SMG1: variants seen among roughly 807,000 people sequenced by gnomAD.
SMG1 encodes serine/threonine-protein kinase SMG1.
SMG1 carries 22 observed loss-of-function variants against 419.9 expected under a neutral mutation model. The observed-to-expected ratio is 0.05, with a 90% CI of 0.04 to 0.07. The LOEUF (loss-of-function observed/expected upper bound fraction) is 0.07, where lower values mean the gene tolerates loss of function less well. Among genes scored for constraint, SMG1 ranks in the 10% least tolerant of loss-of-function variants. The pLI is 1.00. For missense variants in SMG1, 3,185 were observed against 4,342.0 expected (o/e 0.73, Z 7.49); for synonymous variants, 1,538 against 1,553.5 (o/e 0.99, Z 0.23).
chr16:18,871,194 T>C (rs1026865127), intron 16 of SMG1, among the ~76,000 whole-genome samples, 170 bp downstream of exon 16: 15 of 152,128 alleles, frequency 9.9e-5, no homozygotes, highest in Non-Finnish European at 1.6e-4. Flanking sequence ...CAAAACATTT[T>C]TCTAATACTA....
chr16:18,809,496 G>C lies in SMG1; in HGVS notation c.*73C>G. On this transcript the variant is annotated 3_prime_UTR_variant, in exon 63 of 63. Coordinates refer to ENST00000446231, the MANE Select transcript of SMG1 (RefSeq NM_015092.5). ...TCACCACCGACTGTGGTGTGGCTTT[G>C]GATGCCTGAGGCTGAGTTGATTCTG... The C allele has an allele frequency of 3.4e-6, 4 of 1,172,384 alleles. No homozygotes were observed. The highest frequency in any genetic ancestry group is 2.4e-5 in the East Asian group (1 of 40,878). The allele number at this position is 1,172,384 out of a possible 1,614,324, so 72.6% of individuals were successfully genotyped here.
chr16:18,885,488 C>A (rs1187522904), intron 7 of SMG1, 53 bp downstream of exon 7: 2 of 1,591,470 alleles, frequency 1.3e-6, no homozygotes, highest in Non-Finnish European at 1.7e-6. Context: ...GATCCTCACA[C>A]ACACAACCAT....
intron 23 of SMG1, among the ~76,000 whole-genome samples, chr16:18,864,404 G>T (rs2141520425): frequency 6.6e-6 from 1 of 152,012 alleles, no homozygotes; most frequent in Admixed American, 6.6e-5. Context: ...CACCGTGTTG[G>T]CCAGGCTGGT....
At chr16:18,845,293 C>G in intron 39 of SMG1, 136 bp downstream of exon 39, 1 of 679,508 alleles carries the variant, frequency 1.5e-6, no homozygotes, top group African/African-American at 1.8e-5. Flanking sequence ...TCCTTATAAG[C>G]AACTGGCCAC....
chr16:18,860,522 G>T (rs1010985090), intron 26 of SMG1, 145 bp downstream of exon 26: 4 of 539,230 alleles, frequency 7.4e-6, no homozygotes, highest in Admixed American at 3.4e-5. Flanking sequence ...CATAAATAGG[G>T]CAGCCCTAAA....
At chr16:18,870,994 C>T (rs1470983584) in intron 16 of SMG1, 106 bp from the exon 17 acceptor site, 47 of 689,718 alleles carry the variant, frequency 6.8e-5, no homozygotes, top group Non-Finnish European at 1.1e-4. Flanking sequence ...AGAGTGAGTG[C>T]CTACTATAGA....
In SMG1 at chr16:18,854,711, A is replaced by G; in HGVS notation, c.4428T>C (p.Asp1476=). Residue 1476 remains aspartate (D), a synonymous_variant, in exon 30 of 63, where the codon GAT becomes GAC. Transcript: ENST00000446231. ...TATCAAGTTCGGGCCCCCATTTTTC[A>G]TCCACTTGACCTTGGGTTGATAGTT... ...FKKLSTQGQV[D]EKWGPELDIE... The G allele has an allele frequency of 6.2e-7, 1 of 1,613,806 alleles. No homozygotes were observed. The highest frequency in any genetic ancestry group is 8.5e-7 in the Non-Finnish European group (1 of 1,179,828).
intron 29 of SMG1, among the ~76,000 whole-genome samples, chr16:18,856,039 G>GT (rs1378002327): frequency 3.0e-5 from 3 of 101,372 alleles, no homozygotes; most frequent in East Asian, 2.5e-4. Flanking sequence ...GCCTGCACAC[G>GT]TTTTTTCTAA....
chr16:18,845,632 T>C lies in SMG1; in HGVS notation c.6016A>G (p.Met2006Val), dbSNP rs1248515495. 1 of 1,610,694 alleles carries C rather than the reference T, an allele frequency of 6.2e-7. No homozygotes were observed. The highest frequency in any genetic ancestry group is 8.5e-7 in the Non-Finnish European group (1 of 1,178,684). Reference protein sequence around the residue: ...TLRKEEKIAIMREKHTALMKP... With the variant: ...TLRKEEKIAIVREKHTALMKP... The stretch of plus-strand genomic sequence containing the variant: ...ATCAAAGCTGTGTGCTTCTCCCTCA[T>C]GATTGCAATTTTCTCTTCTCTGACC... The change falls in exon 39 of 63, where the codon ATG becomes GTG. Residue 2006 changes from methionine to valine, a missense_variant. Around this residue, in one of 27 missense-constraint regions of SMG1, gnomAD observed 159 missense variants for 196.0 expected, o/e 0.81. Coordinates refer to ENST00000446231, the MANE Select transcript of SMG1 (RefSeq NM_015092.5).
At position 18,850,110 on chromosome 16, in the gene SMG1, T is replaced by A; in HGVS notation, c.5300A>T (p.Asp1767Val). The change falls in exon 35 of 63, where the codon GAT (aspartate) becomes GTT (valine). Residue 1767 changes from aspartate (D) to valine (V), a missense_variant. Physicochemically the swap from Asp to Val is radical, Grantham distance 152. This residue lies in a region of SMG1 where 493 missense variants were observed against 552.9 expected (regional missense o/e 0.89). Transcript: ENST00000446231. ...LNAGQIPLDE[D>V]DPRLHLSHRV... ...GTGACTTAAATGCAGCCTAGGGTCA[T>A]CCTCATCTAAAGGAATCTAAGAGTG... 2 of 1,613,714 alleles carry A rather than the reference T, an allele frequency of 1.2e-6. No individual in the cohort carries two copies. The highest frequency in any genetic ancestry group is 1.7e-6 in the Non-Finnish European group (2 of 1,179,792).
chr16:18,845,087 T>G (rs2034182133), intron 39 of SMG1, among the ~76,000 whole-genome samples: 1 of 152,132 alleles, frequency 6.6e-6, no homozygotes, highest in Non-Finnish European at 1.5e-5. Flanking sequence ...AAAGTTAAAT[T>G]TCTTATCTTT....
At chr16:18,887,251 C>G (rs1311947662) in intron 6 of SMG1, among the ~76,000 whole-genome samples, 2 of 152,148 alleles carry the variant, frequency 1.3e-5, no homozygotes, top group East Asian at 3.9e-4. Flanking sequence ...ATTGTGCATG[C>G]AGAATAAGCC....
At chr16:18,819,428 C>A in intron 56 of SMG1, 74 bp downstream of exon 56, 1 of 1,514,762 alleles carries the variant, frequency 6.6e-7, no homozygotes, top group East Asian at 2.4e-5. Context: ...CCTAGTTACC[C>A]CACATATAAC....
chr16:18,817,407 A>C lies in SMG1; in HGVS notation c.9958T>G (p.Leu3320Val), dbSNP rs912785860. 1.2e-5 allele frequency: 19 copies of C among 1,603,752 alleles called. No homozygotes were observed. The highest frequency in any genetic ancestry group is 1.6e-5 in the Non-Finnish European group (19 of 1,174,558). Residue 3320 changes from leucine to valine, a missense_variant, in exon 57 of 63, where the codon TTA becomes GTA. Physicochemically the swap from Leu to Val is conservative, Grantham distance 32. Transcript: ENST00000446231. ...TCAAATAACGCCGCATCCAGGTTTA[A>C]GGCTTCTGCAGTTCTTGTTCGTAAA... The part of the protein sequence containing the change: ...ESLRTRTAEA[L>V]NLDAALFELI...
intron 30 of SMG1, 84 bp from the exon 31 acceptor site, chr16:18,853,951 A>T (rs1162924566): frequency 1.6e-6 from 2 of 1,253,756 alleles, no homozygotes; most frequent in African/African-American, 3.0e-5. Flanking sequence ...ACAAATATCA[A>T]CATGGTGATG....
Position 18,837,392 on chromosome 16 carries a change from C to A in SMG1, c.7465G>T (p.Asp2489Tyr). 6.2e-7 allele frequency: 1 copy of A among 1,613,950 alleles called. No individual in the cohort carries two copies. The highest frequency in any genetic ancestry group is 8.5e-7 in the Non-Finnish European group (1 of 1,179,868). ...CTTAGGTATTCATCTAAGCTACCGT[C>A]CAACTTGGGAAGCACAACCAGCATC... ...DEMLVVLPKL[D>Y]GSLDEYLSLQ... The change falls in exon 46 of 63, where the codon GAC becomes TAC. Residue 2489 changes from aspartate to tyrosine, a missense_variant. By Grantham distance (160) the Asp-to-Tyr change is radical. This residue lies in a region of SMG1 where 412 missense variants were observed against 546.6 expected (regional missense o/e 0.75). Coordinates refer to ENST00000446231, the MANE Select transcript of SMG1 (RefSeq NM_015092.5).
rs1230088154 is a variant in SMG1, at chr16:18,847,336, T to A, written c.5996+117A>T. ...GGTGATGGTTGTACAATATGGTGAA[T>A]GTATTTAATGCCACTGAATTGTACA... On this transcript the variant is annotated intron_variant, in intron 38 of 62. Coordinates refer to ENST00000446231, the MANE Select transcript of SMG1 (RefSeq NM_015092.5). 6 of 1,029,896 alleles carry A rather than the reference T, an allele frequency of 5.8e-6. No individual in the cohort carries two copies. The African/African-American group carries it at 9.7e-5, about 17-fold the overall frequency. The allele number at this position is 1,029,896 out of a possible 1,614,324, so 63.8% of individuals were successfully genotyped here. A position where few individuals can be genotyped will look rare whatever the true frequency, so the allele number is the denominator to read the frequency against.
chr16:18,854,086 T>TA (rs2034763616), intron 30 of SMG1, among the ~76,000 whole-genome samples: 1 of 144,228 alleles, frequency 6.9e-6, no homozygotes, highest in African/African-American at 2.6e-5. Flanking sequence ...ACTAAACTTT[T>TA]TTTTTTTTTT....
intron 45 of SMG1, 136 bp downstream of exon 45, chr16:18,837,878 A>T: frequency 1.2e-6 from 1 of 825,388 alleles, no homozygotes. Context: ...AAACTGCCAT[A>T]TTTAACTGCC....
Sources: gnomAD v4.1 joint callset for allele counts (sites outside exome capture counted in the v4.1 genomes callset) on GRCh38, gnomAD v4.1.1 for gene constraint, gnomAD v4.1.1 regional missense constraint, MANE v1.5 for transcripts, NCBI Gene and HGNC (gene_info 2026-07-23, HGNC 2026-07-21) for gene names.